Variants in KIF2B observed in about 807,000 individuals in gnomAD.
KIF2B encodes kinesin-like protein KIF2B.
Under a neutral mutation model 6.8 loss-of-function variants are expected in KIF2B, and 5 were observed. The observed-to-expected ratio is 0.74, with a 90% CI of 0.39 to 1.55. KIF2B has a LOEUF of 1.55. KIF2B is among the 40% of genes most tolerant of loss of function. The pLI, the probability that KIF2B is intolerant of heterozygous loss-of-function variation, is 0.03. For missense variants in KIF2B, 908 were observed against 831.3 expected (o/e 1.09, Z -1.13); for synonymous variants, 370 against 330.7 (o/e 1.12, Z -1.29).
At position 53,823,947 on chromosome 17, in the gene KIF2B, C is replaced by G; in HGVS notation, c.914C>G (p.Thr305Arg). Residue 305 changes from threonine (T) to arginine (R), a missense_variant, in exon 1 of 1, where the codon ACG becomes AGG. By Grantham distance (71) the Thr-to-Arg change is moderately conservative (BLOSUM62 -1). Coordinates refer to ENST00000268919, the MANE Select transcript of KIF2B (RefSeq NM_032559.5). ...GCCACCTGCTTTGCCTATGGGCAGA[C>G]GGGAAGTGGGAAGACGTACACCATG... ...GMATCFAYGQ[T>R]GSGKTYTMGG... 2 of 1,614,188 alleles carry G rather than the reference C, an allele frequency of 1.2e-6. No individual in the cohort carries two copies. Among genetic ancestry groups the G allele is most frequent in the Non-Finnish European group, 1.7e-6 (2 of 1,180,042 alleles).
At position 53,823,993 on chromosome 17, in the gene KIF2B, G is replaced by C. The variant is rs1334454186; in HGVS notation, c.960G>C (p.Thr320=). 1.2e-6 allele frequency: 2 copies of C among 1,614,226 alleles called. No homozygotes were observed. Among genetic ancestry groups the C allele is most frequent in the East Asian group, 2.2e-5 (1 of 44,872 alleles). ...TYTMGGDFSG[T]AQDCSKGIYA... ...CCATGGGTGGAGACTTTTCAGGAAC[G>C]GCCCAAGATTGTTCTAAGGGCATTT... is the stretch of plus-strand genomic sequence containing the variant. Residue 320 remains threonine (T), a synonymous_variant, in exon 1 of 1, where the codon ACG becomes ACC. Transcript: ENST00000268919.
chr17:53,823,933 T>C lies in KIF2B; in HGVS notation c.900T>C (p.Phe300=). Residue 300 remains phenylalanine, a synonymous_variant, in exon 1 of 1, where the codon TTT becomes TTC. Coordinates refer to ENST00000268919, the MANE Select transcript of KIF2B (RefSeq NM_032559.5). Reference sequence around the variant, plus strand: ...TCCGCAAGGGCATGGCCACCTGCTTTGCCTATGGGCAGACGGGAAGTGGGA... The same window carrying C: ...TCCGCAAGGGCATGGCCACCTGCTTCGCCTATGGGCAGACGGGAAGTGGGA... ...SIFRKGMATC[F]AYGQTGSGKT... 6.2e-7 allele frequency: 1 copy of C among 1,614,226 alleles called. No homozygotes were observed. Among genetic ancestry groups the C allele is most frequent in the Non-Finnish European group, 8.5e-7 (1 of 1,180,048 alleles).
In KIF2B at chr17:53,823,240, G is replaced by A. The variant is rs2143778384; in HGVS notation, c.207G>A (p.Lys69=). The change falls in exon 1 of 1, where the codon AAG becomes AAA. Residue 69 remains lysine (K), a synonymous_variant. Transcript: ENST00000268919. ...TGGAGAAAGCAGTCAAAAAAGGCAAGAAGATTGACCTGGAGACCATACTCC... is the reference window on the plus strand; with the variant it reads ...TGGAGAAAGCAGTCAAAAAAGGCAAAAAGATTGACCTGGAGACCATACTCC... ...EWVEKAVKKG[K]KIDLETILLL... 2 of 1,614,034 alleles carry A rather than the reference G, an allele frequency of 1.2e-6. No individual in the cohort carries two copies. Among genetic ancestry groups the A allele is most frequent in the Non-Finnish European group, 1.7e-6 (2 of 1,179,888 alleles).
In KIF2B at chr17:53,823,915, G is replaced by A. The variant is rs1597959139; in HGVS notation, c.882G>A (p.Lys294=). The A allele has an allele frequency of 2.5e-6, 4 of 1,614,128 alleles. No individual in the cohort carries two copies. The highest frequency in any genetic ancestry group is 1.3e-5 in the African/African-American group (1 of 74,948). The part of the protein sequence containing the change: ...AQPLVESIFR[K]GMATCFAYGQ... The stretch of plus-strand genomic sequence containing the variant: ...CACTGGTGGAGTCCATCTTCCGCAA[G>A]GGCATGGCCACCTGCTTTGCCTATG... Residue 294 remains lysine (K), a synonymous_variant, in exon 1 of 1, where the codon AAG becomes AAA. Transcript: ENST00000268919.
chr17:53,823,730 C>A lies in KIF2B; in HGVS notation c.697C>A (p.Leu233Met), dbSNP rs2143781389. 1 of 1,614,230 alleles carries A rather than the reference C, an allele frequency of 6.2e-7. No individual in the cohort carries two copies. The highest frequency in any genetic ancestry group is 1.6e-4 in the Middle Eastern group (1 of 6,062). The change falls in exon 1 of 1, where the codon CTG becomes ATG. Residue 233 changes from leucine (L) to methionine (M), a missense_variant. Leu to Met is a conservative substitution (Grantham distance 15). Coordinates refer to ENST00000268919, the MANE Select transcript of KIF2B (RefSeq NM_032559.5). ...CCAGCGAGAGACAACCTTAAAGGAC[C>A]TGGATATCATCACCGTCCCCTCGGA... is the stretch of plus-strand genomic sequence containing the variant. ...LNQRETTLKD[L>M]DIITVPSDNV...
At position 53,823,786 on chromosome 17, in the gene KIF2B, A is replaced by G. The variant is rs1451653264; in HGVS notation, c.753A>G (p.Gln251=). 1 of 1,614,128 alleles carries G rather than the reference A, an allele frequency of 6.2e-7. No individual in the cohort carries two copies. The highest frequency in any genetic ancestry group is 1.7e-5 in the Admixed American group (1 of 60,030). The change falls in exon 1 of 1, where the codon CAA becomes CAG. Residue 251 remains glutamine, a synonymous_variant. Coordinates refer to ENST00000268919, the MANE Select transcript of KIF2B (RefSeq NM_032559.5). ...DNVVMVHESK[Q]KVDLTRYLQN... Reference sequence around the variant, plus strand: ...TGGTTATGGTGCATGAGTCCAAGCAAAAGGTGGACCTCACTCGCTACCTGC... The same window carrying G: ...TGGTTATGGTGCATGAGTCCAAGCAGAAGGTGGACCTCACTCGCTACCTGC...
At position 53,824,208 on chromosome 17, in the gene KIF2B, AAG is replaced by A. The variant is rs777936259; in HGVS notation, c.1178_1179del (p.Glu393GlyfsTer16). Reference sequence around the variant, plus strand: ...ATCCAAGTGGTCGGGCTGCAGGAGAAAGAGGTGTGTTGTGTGGAGGAAGTGCT... The same window carrying A: ...ATCCAAGTGGTCGGGCTGCAGGAGAAAGGTGTGTTGTGTGGAGGAAGTGCT... On this transcript the variant is annotated frameshift_variant, in exon 1 of 1. Transcript: ENST00000268919. LOFTEE classifies it low-confidence loss of function (END_TRUNC). 1.9e-6 allele frequency: 3 copies of A among 1,614,176 alleles called. No individual in the cohort carries two copies. The highest frequency in any genetic ancestry group is 1.7e-5 in the Admixed American group (1 of 60,016).
At position 53,823,203 on chromosome 17, in the gene KIF2B, C is replaced by A. The variant is rs1906448678; in HGVS notation, c.170C>A (p.Thr57Lys). The change falls in exon 1 of 1, where the codon ACG becomes AAG. Residue 57 changes from threonine to lysine, a missense_variant. Thr to Lys is a moderately conservative substitution (Grantham distance 78, BLOSUM62 -1). Transcript: ENST00000268919. Reference protein sequence around the residue: ...TEINRENYWVTVEWVEKAVKK... With the variant: ...TEINRENYWVKVEWVEKAVKK... The stretch of plus-strand genomic sequence containing the variant: ...ATCAACAGAGAAAACTATTGGGTCA[C>A]GGTAGAGTGGGTGGAGAAAGCAGTC... The A allele has an allele frequency of 6.2e-7, 1 of 1,614,036 alleles. No individual in the cohort carries two copies.
In KIF2B at chr17:53,823,652, G is replaced by A. The variant is rs1334863568; in HGVS notation, c.619G>A (p.Glu207Lys). The A allele has an allele frequency of 6.2e-7, 1 of 1,613,912 alleles. No individual in the cohort carries two copies. Among genetic ancestry groups the A allele is most frequent in the Non-Finnish European group, 8.5e-7 (1 of 1,180,038 alleles). ...GGACAGCAGCAAGATCTCAGTCCTG[G>A]AGCCCCCGCAAGAACATCGCATCTG... ...HLDSSKISVL[E>K]PPQEHRICVC... Residue 207 changes from glutamate (E) to lysine (K), a missense_variant, in exon 1 of 1, where the codon GAG becomes AAG. By Grantham distance (56) the Glu-to-Lys change is moderately conservative. Coordinates refer to ENST00000268919, the MANE Select transcript of KIF2B (RefSeq NM_032559.5).
At position 53,823,710 on chromosome 17, in the gene KIF2B, G is replaced by A. The variant is rs377704600; in HGVS notation, c.677G>A (p.Arg226Gln). The A allele has an allele frequency of 4.3e-6, 7 of 1,614,056 alleles. No individual in the cohort carries two copies. Among genetic ancestry groups the A allele is most frequent in the African/African-American group, 4.0e-5 (3 of 74,930 alleles). ...VCVRKRPLNQ[R>Q]ETTLKDLDII... ...GTGAGGAAGCGGCCTCTCAACCAGCGAGAGACAACCTTAAAGGACCTGGAT... is the reference window on the plus strand; with the variant it reads ...GTGAGGAAGCGGCCTCTCAACCAGCAAGAGACAACCTTAAAGGACCTGGAT... The change falls in exon 1 of 1, where the codon CGA becomes CAA. Residue 226 changes from arginine to glutamine, a missense_variant. Coordinates refer to ENST00000268919, the MANE Select transcript of KIF2B (RefSeq NM_032559.5).
In KIF2B at chr17:53,823,910, C is replaced by A. The variant is rs377670380; in HGVS notation, c.877C>A (p.Arg293Ser). The change falls in exon 1 of 1, where the codon CGC (arginine) becomes AGC (serine). Residue 293 changes from arginine to serine, a missense_variant. Transcript: ENST00000268919. ...CCAGCCACTGGTGGAGTCCATCTTC[C>A]GCAAGGGCATGGCCACCTGCTTTGC... is the stretch of plus-strand genomic sequence containing the variant. ...TAQPLVESIF[R>S]KGMATCFAYG... 1 of 1,614,206 alleles carries A rather than the reference C, an allele frequency of 6.2e-7. No homozygotes were observed. Among genetic ancestry groups the A allele is most frequent in the South Asian group, 1.1e-5 (1 of 91,092 alleles).
At position 53,823,007 on chromosome 17, in the gene KIF2B, C is replaced by T. The variant is rs2143777137; in HGVS notation, c.-27C>T. On this transcript the variant is annotated 5_prime_UTR_variant, in exon 1 of 1. Coordinates refer to ENST00000268919, the MANE Select transcript of KIF2B (RefSeq NM_032559.5). Reference sequence around the variant, plus strand: ...TGCTCCAACCCCAAGGGCCCTGGAGCGCTCCCTGATACCTCCATCACTCAC... The same window carrying T: ...TGCTCCAACCCCAAGGGCCCTGGAGTGCTCCCTGATACCTCCATCACTCAC... The T allele has an allele frequency of 3.8e-6, 6 of 1,589,500 alleles. No homozygotes were observed. Among genetic ancestry groups the T allele is most frequent in the Non-Finnish European group, 5.2e-6 (6 of 1,163,404 alleles).
chr17:53,823,081 GA>G lies in KIF2B; in HGVS notation c.51del (p.Lys17AsnfsTer3). On this transcript the variant is annotated frameshift_variant, in exon 1 of 1. Coordinates refer to ENST00000268919, the MANE Select transcript of KIF2B (RefSeq NM_032559.5). LOFTEE classifies it low-confidence loss of function (END_TRUNC). ...LPESPCLSPL[K>X]PLKPHFGDIQ... is the part of the protein sequence containing the mutation. ...CTGAATCCCCATGTCTCTCGCCCCT[GA>G]AACCCTTGAAGCCACATTTCGGAGA... 1 of 1,614,120 alleles carries G rather than the reference GA, an allele frequency of 6.2e-7. No homozygotes were observed. The highest frequency in any genetic ancestry group is 8.5e-7 in the Non-Finnish European group (1 of 1,180,016).
chr17:53,823,268 C>A lies in KIF2B; in HGVS notation c.235C>A (p.Leu79Met), dbSNP rs1392001365. Residue 79 changes from leucine to methionine, a missense_variant, in exon 1 of 1, where the codon CTG becomes ATG. By Grantham distance (15) the Leu-to-Met change is conservative. Coordinates refer to ENST00000268919, the MANE Select transcript of KIF2B (RefSeq NM_032559.5). ...GATTGACCTGGAGACCATACTCCTGCTGAATCCAGCTCTGGACTCTGCTGA... is the reference window on the plus strand; with the variant it reads ...GATTGACCTGGAGACCATACTCCTGATGAATCCAGCTCTGGACTCTGCTGA... ...KKIDLETILLLNPALDSAEHP... is the reference protein window; with the variant it reads ...KKIDLETILLMNPALDSAEHP... The A allele has an allele frequency of 1.2e-6, 2 of 1,614,208 alleles. No individual in the cohort carries two copies. Among genetic ancestry groups the A allele is most frequent in the South Asian group, 2.2e-5 (2 of 91,090 alleles).
At position 53,823,290 on chromosome 17, in the gene KIF2B, C is replaced by T. The variant is rs750373414; in HGVS notation, c.257C>T (p.Ala86Val). The change falls in exon 1 of 1, where the codon GCT (alanine) becomes GTT (valine). Residue 86 changes from alanine to valine, a missense_variant. Ala to Val is a moderately conservative substitution (Grantham distance 64). Transcript: ENST00000268919. ...ILLLNPALDS[A>V]EHPMPPPPLS... ...CTGCTGAATCCAGCTCTGGACTCTGCTGAACACCCCATGCCGCCCCCGCCC... is the reference window on the plus strand; with the variant it reads ...CTGCTGAATCCAGCTCTGGACTCTGTTGAACACCCCATGCCGCCCCCGCCC... 14 of 1,614,074 alleles carry T rather than the reference C, an allele frequency of 8.7e-6. No homozygotes were observed. The highest frequency in any genetic ancestry group is 1.2e-5 in the Non-Finnish European group (14 of 1,180,050).
At position 53,822,932 on chromosome 17, in the gene KIF2B, C is replaced by A. The variant is rs560501509; in HGVS notation, c.-102C>A. On this transcript the variant is annotated 5_prime_UTR_variant, in exon 1 of 1. In the 5' UTR this introduces an upstream ATG that the reference lacks. Coordinates refer to ENST00000268919, the MANE Select transcript of KIF2B (RefSeq NM_032559.5). Reference sequence around the variant, plus strand: ...CTAGGCTCACAAAGGCAGGCACAGACTGCAACCCTGCTCAGTGCTCCGGGC... The same window carrying A: ...CTAGGCTCACAAAGGCAGGCACAGAATGCAACCCTGCTCAGTGCTCCGGGC... The A allele has an allele frequency of 5.6e-6, 6 of 1,067,790 alleles. No individual in the cohort carries two copies. Among genetic ancestry groups the A allele is most frequent in the Non-Finnish European group, 8.1e-6 (6 of 737,632 alleles). The allele number at this position is 1,067,790 out of a possible 1,614,324, so 66.1% of individuals were successfully genotyped here. A position where few individuals can be genotyped will look rare whatever the true frequency, so the allele number is the denominator to read the frequency against.
Position 53,822,979 on chromosome 17 carries a change from T to C in KIF2B, c.-55T>C, listed in dbSNP as rs1906438139. 4 of 1,516,012 alleles carry C rather than the reference T, an allele frequency of 2.6e-6. 1 individual carries two copies. The African/African-American group carries it at 5.5e-5, about 21-fold the overall frequency. 93.9% of individuals were successfully genotyped at this position (1,516,012 alleles called of 1,614,324 possible). A position where few individuals can be genotyped will look rare whatever the true frequency, so the allele number is the denominator to read the frequency against. The stretch of plus-strand genomic sequence containing the variant: ...GGGCGCTTCAGGCTGGCTTGGGTCC[T>C]GCTGCTCCAACCCCAAGGGCCCTGG... On this transcript the variant is annotated 5_prime_UTR_variant, in exon 1 of 1. Coordinates refer to ENST00000268919, the MANE Select transcript of KIF2B (RefSeq NM_032559.5).
rs1906444877 is a variant in KIF2B at position 53,823,098 on chromosome 17, A to G, written c.65A>G (p.His22Arg). The G allele has an allele frequency of 6.2e-7, 1 of 1,614,006 alleles. No individual in the cohort carries two copies. The highest frequency in any genetic ancestry group is 1.3e-5 in the African/African-American group (1 of 74,906). Residue 22 changes from histidine (H) to arginine (R), a missense_variant, in exon 1 of 1, where the codon CAT becomes CGT. His to Arg is a conservative substitution (Grantham distance 29, BLOSUM62 0). Transcript: ENST00000268919. ...TCGCCCCTGAAACCCTTGAAGCCAC[A>G]TTTCGGAGACATCCAAGAGGGCATC... The part of the protein sequence containing the change: ...CLSPLKPLKP[H>R]FGDIQEGIYV...
In KIF2B at chr17:53,823,683, G is replaced by A. The variant is rs756806222; in HGVS notation, c.650G>A (p.Cys217Tyr). ...EPPQEHRICV[C>Y]VRKRPLNQRE... ...CCGCAAGAACATCGCATCTGCGTCT[G>A]CGTGAGGAAGCGGCCTCTCAACCAG... Residue 217 changes from cysteine (C) to tyrosine (Y), a missense_variant, in exon 1 of 1, where the codon TGC becomes TAC. By Grantham distance (194) the Cys-to-Tyr change is radical. Transcript: ENST00000268919. 6.2e-7 allele frequency: 1 copy of A among 1,614,188 alleles called. No homozygotes were observed. Among genetic ancestry groups the A allele is most frequent in the East Asian group, 2.2e-5 (1 of 44,876 alleles).
Sources: gnomAD v4.1 joint callset for allele counts on GRCh38, gnomAD v4.1.1 for gene constraint, MANE v1.5 for transcripts, NCBI Gene and HGNC (gene_info 2026-07-23, HGNC 2026-07-21) for gene names.